LACTB2: variants seen among roughly 807,000 people sequenced by gnomAD.
LACTB2 encodes the protein endoribonuclease LACTB2.
LACTB2 carries 32 observed loss-of-function variants against 34.8 expected under a neutral mutation model. The observed-to-expected ratio is 0.92, with a 90% CI of 0.69 to 1.24. LACTB2 has a LOEUF of 1.24. Ranked by LOEUF, LACTB2 falls within the 50% of genes most tolerant of loss-of-function variation. LACTB2 has a pLI of 0.00. For missense variants in LACTB2, 320 were observed against 345.0 expected (o/e 0.93, Z 0.57); for synonymous variants, 120 against 117.5 (o/e 1.02, Z -0.14).
intron 1 of LACTB2, 100 bp downstream of exon 1, chr8:70,668,899 A>T: frequency 6.7e-7 from 1 of 1,491,502 alleles, no homozygotes; most frequent in Non-Finnish European, 9.0e-7. Context: ...AGCTAGGGAC[A>T]GGACGCGGCG....
intron 1 of LACTB2, 65 bp downstream of exon 1, chr8:70,668,934 A>T: frequency 6.5e-7 from 1 of 1,544,138 alleles, no homozygotes; most frequent in Non-Finnish European, 8.7e-7. Flanking sequence ...CGCAGCCGCG[A>T]TCAGTCAAAG....
intron 1 of LACTB2, among the ~76,000 whole-genome samples, chr8:70,664,433 C>T (rs986274865): frequency 2.0e-5 from 3 of 152,046 alleles, no homozygotes; most frequent in Admixed American, 1.3e-4. Context: ...TTTTAGAATG[C>T]CTGTGCTGGT....
chr8:70,669,185 G>A lies in LACTB2; in HGVS notation c.-65C>T, dbSNP rs1397883753. On this transcript the variant is annotated 5_prime_UTR_variant, in exon 1 of 7. Coordinates refer to ENST00000276590, the MANE Select transcript of LACTB2 (RefSeq NM_016027.3). ...TACTCCAGCGCGGAAGAAGCCAACA[G>A]GCCGGGGATAGCGAGTAGCGTCCAC... 6 of 1,580,000 alleles carry A rather than the reference G, an allele frequency of 3.8e-6. No individual in the cohort carries two copies. Among genetic ancestry groups the A allele is most frequent in the South Asian group, 1.2e-5 (1 of 86,478 alleles).
At chr8:70,639,167 C>CT (rs201881662) in intron 5 of LACTB2, among the ~76,000 whole-genome samples, 40 of 150,766 alleles carry the variant, frequency 2.7e-4, no homozygotes, top group African/African-American at 7.8e-4. Flanking sequence ...GTAGCAGTAT[C>CT]TTTTTTTTTG....
chr8:70,665,870 T>C (rs922179459), intron 1 of LACTB2, among the ~76,000 whole-genome samples: 2 of 152,200 alleles, frequency 1.3e-5, no homozygotes, highest in African/African-American at 4.8e-5. Context: ...AGGTTAAAAT[T>C]GCAGTTTTTA....
chr8:70,638,429 C>T, intron 6 of LACTB2, 119 bp downstream of exon 6: 1 of 1,143,250 alleles, frequency 8.7e-7, no homozygotes, highest in Non-Finnish European at 1.2e-6. Context: ...GTCTCTCCAA[C>T]TTAAAGTGAT....
At chr8:70,647,496 G>A (rs1247153786) in intron 3 of LACTB2, among the ~76,000 whole-genome samples, 6 of 152,134 alleles carry the variant, frequency 3.9e-5, no homozygotes, top group Non-Finnish European at 8.8e-5. Context: ...CAAGTGATCT[G>A]CCTGCCCTGG....
Position 70,669,032 on chromosome 8 carries a change from C to A in LACTB2, c.89G>T (p.Gly30Val). 6.2e-7 allele frequency: 1 copy of A among 1,606,060 alleles called. No individual in the cohort carries two copies. Among genetic ancestry groups the A allele is most frequent in the South Asian group, 1.1e-5 (1 of 89,618 alleles). The change falls in exon 1 of 7, where the codon GGC (glycine) becomes GTC (valine). Residue 30 changes from glycine to valine, a missense_variant. Gly to Val is a moderately radical substitution (Grantham distance 109). Coordinates refer to ENST00000276590, the MANE Select transcript of LACTB2 (RefSeq NM_016027.3). Reference sequence around the variant, plus strand: ...GGTCCCCACTAGGTAGGTGTTGGTGCCTTGGAGGGTCATGGGACCCGGGTT... The same window carrying A: ...GGTCCCCACTAGGTAGGTGTTGGTGACTTGGAGGGTCATGGGACCCGGGTT... The part of the protein sequence containing the change: ...GCNPGPMTLQ[G>V]TNTYLVGTGP...
intron 3 of LACTB2, among the ~76,000 whole-genome samples, chr8:70,655,368 C>T (rs1231401769): frequency 6.6e-6 from 1 of 151,966 alleles, no homozygotes; most frequent in East Asian, 1.9e-4. Flanking sequence ...TACAGGCATG[C>T]ACCACCATGC....
chr8:70,669,112 A>T lies in LACTB2; in HGVS notation c.9T>A (p.Ala3=). The T allele has an allele frequency of 6.2e-7, 1 of 1,603,350 alleles. No individual in the cohort carries two copies. The highest frequency in any genetic ancestry group is 8.5e-7 in the Non-Finnish European group (1 of 1,175,176). MA[A]VLQRVERLSN... is the part of the protein sequence containing the mutation. The stretch of plus-strand genomic sequence containing the variant: ...ACAGCCGCTCGACGCGCTGCAGTAC[A>T]GCAGCCATTCCCGCCTCAGCCGCCC... Residue 3 remains alanine, a synonymous_variant, in exon 1 of 7, where the codon GCT becomes GCA. Coordinates refer to ENST00000276590, the MANE Select transcript of LACTB2 (RefSeq NM_016027.3).
chr8:70,643,208 CTTTTTTTTTTTTTTTTTTTTT>C (rs66482767), intron 4 of LACTB2, among the ~76,000 whole-genome samples: 37 of 76,220 alleles, frequency 4.9e-4, no homozygotes, highest in African/African-American at 1.5e-3. Context: ...GTGTATTTTC[CTTTTTTTTTTTTTTTTTTTTT>C]TTTTTTTTTT....
intron 2 of LACTB2, among the ~76,000 whole-genome samples, chr8:70,659,317 G>A (rs1818454164): frequency 6.6e-6 from 1 of 152,176 alleles, no homozygotes; most frequent in Non-Finnish European, 1.5e-5. Context: ...GAGCCCAGGA[G>A]GGGAATGACT....
chr8:70,668,930 C>A (rs1199278061), intron 1 of LACTB2, 69 bp downstream of exon 1: 1 of 1,541,836 alleles, frequency 6.5e-7, no homozygotes, highest in Non-Finnish European at 8.8e-7. Context: ...CCCGCGCAGC[C>A]GCGATCAGTC....
At chr8:70,640,190 G>C (rs181710306) in intron 5 of LACTB2, among the ~76,000 whole-genome samples, 1 of 152,158 alleles carries the variant, frequency 6.6e-6, no homozygotes, top group Non-Finnish European at 1.5e-5. Context: ...TCGGACTCCT[G>C]GGCTGAAGCA....
At chr8:70,666,361 G>A (rs953641820) in intron 1 of LACTB2, among the ~76,000 whole-genome samples, 1 of 152,182 alleles carries the variant, frequency 6.6e-6, no homozygotes, top group Non-Finnish European at 1.5e-5. Flanking sequence ...ACTTCCATGA[G>A]GAAATGGTAT....
chr8:70,666,275 A>G (rs1364997517), intron 1 of LACTB2, among the ~76,000 whole-genome samples: 1 of 152,216 alleles, frequency 6.6e-6, no homozygotes, highest in Non-Finnish European at 1.5e-5. Context: ...GCACAAAAAA[A>G]TCATTTCATT....
intron 3 of LACTB2, 116 bp downstream of exon 3, chr8:70,657,640 T>C (rs1320919387): frequency 9.8e-7 from 1 of 1,015,396 alleles, no homozygotes; most frequent in East Asian, 2.9e-5. Flanking sequence ...CTTGAACTCC[T>C]GGGCTCAAAC....
At chr8:70,656,572 T>G (rs1286103063) in intron 3 of LACTB2, among the ~76,000 whole-genome samples, 1 of 152,230 alleles carries the variant, frequency 6.6e-6, no homozygotes, top group African/African-American at 2.4e-5. Flanking sequence ...CATGCTGTTT[T>G]GGTGACTATG....
At chr8:70,663,788 T>G (rs1268041267) in intron 1 of LACTB2, among the ~76,000 whole-genome samples, 4 of 152,194 alleles carry the variant, frequency 2.6e-5, no homozygotes, top group African/African-American at 4.8e-5. Flanking sequence ...ATCTTGCTTT[T>G]TTTCCATAGC....
Sources: gnomAD v4.1 joint callset for allele counts (sites outside exome capture counted in the v4.1 genomes callset) on GRCh38, gnomAD v4.1.1 for gene constraint, MANE v1.5 for transcripts, NCBI Gene and HGNC (gene_info 2026-07-23, HGNC 2026-07-21) for gene names.